Variants in PSMC3 observed in about 807,000 individuals in gnomAD.
PSMC3 encodes the protein 26S proteasome regulatory subunit 6A.
PSMC3 carries 11 observed loss-of-function variants against 52.0 expected under a neutral mutation model. That is an observed-to-expected ratio of 0.21 (90% confidence interval 0.13 to 0.35). The LOEUF (loss-of-function observed/expected upper bound fraction) is 0.35, where lower values mean the gene tolerates loss of function less well. Among genes scored for constraint, PSMC3 ranks in the 10% least tolerant of loss-of-function variants. PSMC3 has a pLI of 1.00. For missense variants in PSMC3, 238 were observed against 567.1 expected (o/e 0.42, Z 5.89); for synonymous variants, 201 against 218.8 (o/e 0.92, Z 0.72).
chr11:47,419,326 C>T (rs780597030), intron 10 of PSMC3, 129 bp from the exon 11 acceptor site: 73 of 880,420 alleles, frequency 8.3e-5, no homozygotes, highest in Middle Eastern at 2.3e-4. Context: ...GTCCCTTACT[C>T]AATGCGCCTT....
intron 1 of PSMC3, 44 bp downstream of exon 1, chr11:47,426,161 C>T (rs2096046172): frequency 2.0e-6 from 3 of 1,536,528 alleles, no homozygotes; most frequent in Non-Finnish European, 1.8e-6. Flanking sequence ...TGGCGTCTCC[C>T]TGCGGGCCCC....
Position 47,420,490 on chromosome 11 carries a change from C to T in PSMC3, c.982-81G>A, listed in dbSNP as rs188816846. 1,329 of 1,548,134 alleles carry T rather than the reference C, an allele frequency of 8.6e-4. 12 individuals are homozygous for T. The African/African-American group carries it at 0.016, about 19-fold the overall frequency. On this transcript the variant is annotated intron_variant, in intron 9 of 11. Coordinates refer to ENST00000298852, the MANE Select transcript of PSMC3 (RefSeq NM_002804.5). ...ACGGTCAAAAAAGGCAGAGAGGCAG[C>T]CCCCAGAGTGCAGGTGAGACACATG...
chr11:47,425,396 TC>T, intron 2 of PSMC3, 150 bp from the exon 3 acceptor site: 1 of 933,548 alleles, frequency 1.1e-6, no homozygotes, highest in Non-Finnish European at 1.6e-6. Context: ...TCTGACTGTG[TC>T]CACATCCTGC....
intron 10 of PSMC3, among the ~76,000 whole-genome samples, chr11:47,419,842 G>A (rs1026186271): frequency 6.6e-6 from 1 of 151,234 alleles, no homozygotes; most frequent in East Asian, 1.9e-4. Context: ...CTGGGCGACA[G>A]AGCGAGACAC....
rs746636024 is a variant in PSMC3 at position 47,425,110 on chromosome 11, TAC to T, written c.285+9_285+10del. On this transcript the variant is annotated intron_variant, in intron 3 of 11. Transcript: ENST00000298852. ...CTGACTCCCTCTCTTCCCCTCCACA[TAC>T]ACACACACCTCGATGACGTTGGAGA... 1.2e-6 allele frequency: 2 copies of T among 1,613,840 alleles called. No individual in the cohort carries two copies. Among genetic ancestry groups the T allele is most frequent in the African/African-American group, 1.3e-5 (1 of 74,906 alleles).
chr11:47,418,929 C>A lies in PSMC3; in HGVS notation c.1226G>T (p.Arg409Leu). 1 of 1,614,156 alleles carries A rather than the reference C, an allele frequency of 6.2e-7. No homozygotes were observed. The highest frequency in any genetic ancestry group is 1.7e-5 in the Admixed American group (1 of 60,010). The change falls in exon 12 of 12, where the codon CGC becomes CTC. Residue 409 changes from arginine to leucine, a missense_variant. Around this residue, in one of 6 missense-constraint regions of PSMC3, gnomAD observed 23 missense variants for 64.6 expected, o/e 0.36. Transcript: ENST00000298852. ...GTGGGTGAGCTCCGTGGCACCCCTG[C>A]GCAGTGCGATCATGCCCTACAGCCG... ...VCVEAGMIALRRGATELTHED... is the reference protein window; with the variant it reads ...VCVEAGMIALLRGATELTHED...
rs753234627 is a variant in PSMC3 at position 47,418,814 on chromosome 11, A to G, written c.*21T>C. On this transcript the variant is annotated 3_prime_UTR_variant, in exon 12 of 12. Transcript: ENST00000298852. ...TTTTATTGCGCACTTCAGCCGTGAG[A>G]CTGGGGCTGGCCTGTGTGCCCTAGG... 6.2e-7 allele frequency: 1 copy of G among 1,600,396 alleles called. No homozygotes were observed. Among genetic ancestry groups the G allele is most frequent in the Non-Finnish European group, 8.6e-7 (1 of 1,167,686 alleles).
rs2096043725 is a variant in PSMC3, at chr11:47,424,021, C to T, written c.591+25G>A. On this transcript the variant is annotated intron_variant, in intron 6 of 11. Transcript: ENST00000298852. The surrounding 1 kb of genome is among the most constrained non-coding windows in gnomAD (Gnocchi z 4.8). ...AGAAACTAAAAGGCTGACAAGGCTG[C>T]TGGCAGCTGCCGTGCCTCCCTCACC... 1 of 1,614,004 alleles carries T rather than the reference C, an allele frequency of 6.2e-7. No homozygotes were observed. Among genetic ancestry groups the T allele is most frequent in the South Asian group, 1.1e-5 (1 of 91,088 alleles).
At position 47,426,376 on chromosome 11, in the gene PSMC3, C is replaced by G. The variant is rs1244890882; in HGVS notation, c.-97G>C. 2 of 1,145,458 alleles carry G rather than the reference C, an allele frequency of 1.7e-6. No homozygotes were observed. The highest frequency in any genetic ancestry group is 5.4e-5 in the East Asian group (2 of 37,042). The allele number at this position is 1,145,458 out of a possible 1,614,324, so 71.0% of individuals were successfully genotyped here. A position where few individuals can be genotyped will look rare whatever the true frequency, so the allele number is the denominator to read the frequency against. ...AGCCTTCTCTTGACCAGTGGAAAAC[C>G]TCTCCCCACAAATCCCGACTCTTGA... On this transcript the variant is annotated 5_prime_UTR_variant, in exon 1 of 12. Coordinates refer to ENST00000298852, the MANE Select transcript of PSMC3 (RefSeq NM_002804.5).
intron 8 of PSMC3, among the ~76,000 whole-genome samples, chr11:47,421,342 T>A (rs3781626): frequency 0.65 from 98,261 of 151,064 alleles, 31,935 homozygotes; most frequent in East Asian, 0.71. Flanking sequence ...AGCTAACGCT[T>A]AAAAACACAG....
rs532695206 is a variant in PSMC3, at chr11:47,424,516, C to G, written c.391-25G>C. On this transcript the variant is annotated intron_variant, in intron 4 of 11. Coordinates refer to ENST00000298852, the MANE Select transcript of PSMC3 (RefSeq NM_002804.5). The surrounding 1 kb of genome is among the most constrained non-coding windows in gnomAD (Gnocchi z 4.8). ...TCTGTGGACAAGTTACAGGGGCAGT[C>G]TCAGTTAGTGTCCTCAGGGAAGGCT... 6.2e-7 allele frequency: 1 copy of G among 1,613,276 alleles called. No homozygotes were observed. The highest frequency in any genetic ancestry group is 2.2e-5 in the East Asian group (1 of 44,882).
Position 47,426,276 on chromosome 11 carries a change from T to G in PSMC3, c.4A>C (p.Asn2His). 1 of 1,552,662 alleles carries G rather than the reference T, an allele frequency of 6.4e-7. No individual in the cohort carries two copies. Among genetic ancestry groups the G allele is most frequent in the Non-Finnish European group, 8.7e-7 (1 of 1,147,586 alleles). ...GGACTCTCAATATTCGGCAGCAGAT[T>G]CATTTCCTGGAGGAGCGGGCAGAAG... M[N>H]LLPNIESPVT... The change falls in exon 1 of 12, where the codon AAT (asparagine) becomes CAT (histidine). Residue 2 changes from asparagine (N) to histidine (H), a missense_variant. By Grantham distance (68) the Asn-to-His change is moderately conservative. Coordinates refer to ENST00000298852, the MANE Select transcript of PSMC3 (RefSeq NM_002804.5).
Position 47,422,702 on chromosome 11 carries a change from A to C in PSMC3, c.756T>G (p.Ala252=). Residue 252 remains alanine, a synonymous_variant, in exon 8 of 12, where the codon GCT becomes GCG. Transcript: ENST00000298852. The surrounding 1 kb of genome is among the most constrained non-coding windows in gnomAD (Gnocchi z 4.3). ...TGAACATCTGCACCAGCTGGGGGCC[A>C]GCCAGCTTTAGGAAGGTGGCCTGGC... ...AQTKATFLKL[A]GPQLVQMFIG... 1 of 1,614,196 alleles carries C rather than the reference A, an allele frequency of 6.2e-7. No homozygotes were observed. The highest frequency in any genetic ancestry group is 1.1e-5 in the South Asian group (1 of 91,084).
In PSMC3 at chr11:47,426,232, C is replaced by G. The variant is rs752975567; in HGVS notation, c.48G>C (p.Lys16Asn). ...CGGCCTCATCCCACACGGTCGCCAT[C>G]TTCTCCTGCCGAGTCACTGGACTCT... ...NIESPVTRQE[K>N]MATVWDEAEQ... Residue 16 changes from lysine to asparagine, a missense_variant, in exon 1 of 12, where the codon AAG (lysine) becomes AAC (asparagine). This residue lies in a region of PSMC3 where 48 missense variants were observed against 63.4 expected (regional missense o/e 0.76). Transcript: ENST00000298852. The G allele has an allele frequency of 2.6e-6, 4 of 1,560,130 alleles. No individual in the cohort carries two copies. Among genetic ancestry groups the G allele is most frequent in the Non-Finnish European group, 3.5e-6 (4 of 1,152,694 alleles).
intron 1 of PSMC3, 27 bp downstream of exon 1, chr11:47,426,178 C>G (rs762862919): frequency 3.2e-6 from 5 of 1,551,428 alleles, no homozygotes; most frequent in Middle Eastern, 2.2e-4. Context: ...CCCCGGTTCC[C>G]GGACCGCCAG....
At chr11:47,426,035 GT>G in intron 1 of PSMC3, 85 bp from the exon 2 acceptor site, 1 of 1,439,916 alleles carries the variant, frequency 6.9e-7, no homozygotes, top group South Asian at 1.2e-5. Flanking sequence ...CACAGCCTCA[GT>G]TTCCACGCCC....
chr11:47,425,801 G>A, intron 2 of PSMC3, 66 bp downstream of exon 2: 1 of 1,434,918 alleles, frequency 7.0e-7, no homozygotes, highest in Non-Finnish European at 9.6e-7. Flanking sequence ...AGTACGAGAG[G>A]CGACTCGGAT....
rs1411917065 is a variant in PSMC3, at chr11:47,422,251, C to T, written c.884+323G>A. Reference sequence around the variant, plus strand: ...TAGAGACAGGGTTTCACCATGTTAGCCAGGATGGTCTCGATCTCCTGACCT... The same window carrying T: ...TAGAGACAGGGTTTCACCATGTTAGTCAGGATGGTCTCGATCTCCTGACCT... On this transcript the variant is annotated intron_variant, in intron 8 of 11. Transcript: ENST00000298852. The surrounding 1 kb of genome is among the most constrained non-coding windows in gnomAD (Gnocchi z 4.3). Among the ~76,000 whole-genome samples the T allele has an allele frequency of 1.3e-5, 2 of 152,058 alleles. No individual in the cohort carries two copies. The highest frequency in any genetic ancestry group is 2.9e-5 in the Non-Finnish European group (2 of 68,008).
intron 11 of PSMC3, 23 bp from the exon 12 acceptor site, chr11:47,418,968 C>A: frequency 1.2e-6 from 2 of 1,613,294 alleles, no homozygotes; most frequent in Non-Finnish European, 1.7e-6. Flanking sequence ...CAAACAGAGT[C>A]TAGGTCTGAA....
Sources: allele counts gnomAD v4.1 joint callset (sites outside exome capture counted in the v4.1 genomes callset), GRCh38; gene constraint gnomAD v4.1.1; regional missense constraint gnomAD v4.1.1; non-coding constraint Gnocchi (gnomAD v3.1); transcripts MANE v1.5; gene names NCBI Gene and HGNC (gene_info 2026-07-23, HGNC 2026-07-21).